The following KIFAP3 variants were observed in gnomAD, a reference collection of about 807,000 sequenced individuals.
KIFAP3 encodes the protein kinesin-associated protein 3.
In KIFAP3, 68 loss-of-function variants were observed where a neutral mutation model predicts 106.5. The ratio of observed to expected loss-of-function variants is 0.64; its 90% CI spans 0.53 to 0.78. The LOEUF (loss-of-function observed/expected upper bound fraction) is 0.78, where lower values mean the gene tolerates loss of function less well. Ranked by LOEUF, KIFAP3 falls within the 30% of genes least tolerant of loss-of-function variation. The probability of loss-of-function intolerance (pLI) is 0.00; values close to 1 mark genes in which losing one functional copy is unlikely to be tolerated. For missense variants in KIFAP3, 780 were observed against 941.8 expected (o/e 0.83, Z 2.25); for synonymous variants, 320 against 311.5 (o/e 1.03, Z -0.29).
At chr1:169,946,613 A>G (rs911337452) in intron 19 of KIFAP3, among the ~76,000 whole-genome samples, 4 of 151,992 alleles carry the variant, frequency 2.6e-5, no homozygotes, top group African/African-American at 9.7e-5. Context: ...TCTGAACCTT[A>G]ATTTTCACAT....
At chr1:169,954,227 T>C (rs1664887747) in intron 18 of KIFAP3, 117 bp from the exon 19 acceptor site, 1 of 658,018 alleles carries the variant, frequency 1.5e-6, no homozygotes, top group South Asian at 1.7e-5. Context: ...AATGTTAGCA[T>C]GACATGCTGT....
At chr1:169,997,191 C>G (rs1422415420) in intron 10 of KIFAP3, among the ~76,000 whole-genome samples, 1 of 152,102 alleles carries the variant, frequency 6.6e-6, no homozygotes. Context: ...TATTTAAATT[C>G]TGTGTTTCAG....
At chr1:170,000,858 T>C (rs1667629918) in intron 10 of KIFAP3, among the ~76,000 whole-genome samples, 1 of 152,086 alleles carries the variant, frequency 6.6e-6, no homozygotes, top group Non-Finnish European at 1.5e-5. Context: ...ACATAATTTA[T>C]AGGTTACAAA....
intron 11 of KIFAP3, among the ~76,000 whole-genome samples, chr1:169,985,375 G>C (rs1666768569): frequency 6.6e-6 from 1 of 151,834 alleles, no homozygotes; most frequent in African/African-American, 2.4e-5. Flanking sequence ...GGATTGATTA[G>C]ACATATATTT....
At chr1:169,976,019 A>C (rs1666205827) in intron 16 of KIFAP3, among the ~76,000 whole-genome samples, 1 of 152,202 alleles carries the variant, frequency 6.6e-6, no homozygotes, top group Admixed American at 6.6e-5. Context: ...ACTGAAAAGA[A>C]AGGTCAAATA....
chr1:169,927,822 C>T (rs61806078), intron 19 of KIFAP3, among the ~76,000 whole-genome samples: 1 of 152,098 alleles, frequency 6.6e-6, no homozygotes, highest in Non-Finnish European at 1.5e-5. Flanking sequence ...GGAGATAAGG[C>T]TAGAAAGGGA....
At chr1:169,935,308 C>A (rs995342507) in intron 19 of KIFAP3, among the ~76,000 whole-genome samples, 6 of 151,886 alleles carry the variant, frequency 4.0e-5, no homozygotes, top group Admixed American at 3.3e-4. Flanking sequence ...TTCATAGAAG[C>A]CTCCTCCCAT....
intron 1 of KIFAP3, 87 bp from the exon 2 acceptor site, chr1:170,055,523 G>A: frequency 9.4e-7 from 1 of 1,063,934 alleles, no homozygotes; most frequent in Non-Finnish European, 1.3e-6. Flanking sequence ...TATAACGTGG[G>A]TTGGATTAAC....
intron 8 of KIFAP3, among the ~76,000 whole-genome samples, chr1:170,031,037 A>G (rs1557850166): frequency 6.6e-6 from 1 of 151,842 alleles, no homozygotes; most frequent in African/African-American, 2.4e-5. Context: ...AAAGTTTTGC[A>G]TGTTAAAAAA....
chr1:170,024,364 C>T, intron 9 of KIFAP3, 54 bp downstream of exon 9: 4 of 1,186,588 alleles, frequency 3.4e-6, no homozygotes, highest in Admixed American at 5.0e-5. Flanking sequence ...TCAAAATATT[C>T]TAACTTGAAA....
intron 9 of KIFAP3, among the ~76,000 whole-genome samples, chr1:170,022,002 T>C (rs1557843759): frequency 1.5e-5 from 2 of 137,196 alleles, no homozygotes; most frequent in Non-Finnish European, 3.0e-5. Flanking sequence ...CAGGCTGGAG[T>C]GCAGTGGCAT....
At chr1:169,975,683 T>C (rs1325982350) in intron 16 of KIFAP3, among the ~76,000 whole-genome samples, 2 of 152,094 alleles carry the variant, frequency 1.3e-5, no homozygotes, top group African/African-American at 2.4e-5. Context: ...GGCATGATCA[T>C]AGCTCACTGG....
intron 10 of KIFAP3, among the ~76,000 whole-genome samples, chr1:170,014,334 T>C (rs748070334): frequency 1.3e-5 from 2 of 152,262 alleles, no homozygotes; most frequent in Non-Finnish European, 2.9e-5. Context: ...CTAAATGTTA[T>C]CTTTCACTTA....
At chr1:169,939,661 C>T (rs1271749223) in intron 19 of KIFAP3, among the ~76,000 whole-genome samples, 1 of 151,878 alleles carries the variant, frequency 6.6e-6, no homozygotes, top group Non-Finnish European at 1.5e-5. Flanking sequence ...CCTGAAGTAA[C>T]CAGCATTTAA....
chr1:170,083,217 C>T (rs138610727), intron 1 of KIFAP3, among the ~76,000 whole-genome samples: 1 of 152,064 alleles, frequency 6.6e-6, no homozygotes, highest in Non-Finnish European at 1.5e-5. Flanking sequence ...GAATCCCAAG[C>T]AGGATAAATA....
At position 169,983,325 on chromosome 1, in the gene KIFAP3, A is replaced by T; in HGVS notation, c.1451T>A (p.Met484Lys). Residue 484 changes from methionine to lysine, a missense_variant, in exon 13 of 20, where the codon ATG (methionine) becomes AAG (lysine). This residue lies in a region of KIFAP3 where 588 missense variants were observed against 678.9 expected (regional missense o/e 0.87). Transcript: ENST00000361580. ...RALKFKDPLL[M>K]KMIRNISQHD... Reference sequence around the variant, plus strand: ...CTGAGAAATGTTTCTAATCATTTTCATCAGCAATGGATCCTTAAACTTCAG... The same window carrying T: ...CTGAGAAATGTTTCTAATCATTTTCTTCAGCAATGGATCCTTAAACTTCAG... The T allele has an allele frequency of 6.2e-7, 1 of 1,609,862 alleles. No homozygotes were observed.
chr1:170,056,650 T>A (rs922327526), intron 1 of KIFAP3, among the ~76,000 whole-genome samples: 4 of 152,208 alleles, frequency 2.6e-5, no homozygotes, highest in Admixed American at 2.0e-4. Context: ...CAGTTGGAAA[T>A]AATACTTTGA....
chr1:170,020,155 C>T (rs1668735039), intron 9 of KIFAP3, among the ~76,000 whole-genome samples: 2 of 151,826 alleles, frequency 1.3e-5, no homozygotes, highest in Admixed American at 1.3e-4. Context: ...AAAAAAAGAC[C>T]CACATAAATA....
In KIFAP3 at chr1:169,985,832, G is replaced by T. The variant is rs2474700; in HGVS notation, c.1285-1142C>A. On this transcript the variant is annotated intron_variant, in intron 11 of 19. Coordinates refer to ENST00000361580, the MANE Select transcript of KIFAP3 (RefSeq NM_014970.4). ...ACAGACAAAAAGGTAAGAAGGAAAA[G>T]GTAGGCTACCTATGCCATTTAGCAG... 9.9e-3 allele frequency among the ~76,000 whole-genome samples: 1,500 copies of T among 151,882 alleles called. 25 individuals are homozygous for T. Among genetic ancestry groups the T allele is most frequent in the African/African-American group, 0.035 (1,438 of 41,474 alleles).
Sources: allele counts gnomAD v4.1 joint callset (sites outside exome capture counted in the v4.1 genomes callset), GRCh38; gene constraint gnomAD v4.1.1; regional missense constraint gnomAD v4.1.1; transcripts MANE v1.5; gene names NCBI Gene and HGNC (gene_info 2026-07-23, HGNC 2026-07-21).